SUV39H2: variants seen among roughly 807,000 people sequenced by gnomAD.
The protein encoded by SUV39H2 is SUV39H2 histone lysine methyltransferase.
SUV39H2 carries 10 observed loss-of-function variants against 47.5 expected under a neutral mutation model. That is an observed-to-expected ratio of 0.21 (90% confidence interval 0.13 to 0.36). The LOEUF is 0.36. Among genes scored for constraint, SUV39H2 ranks in the 10% least tolerant of loss-of-function variants. SUV39H2 has a pLI of 1.00. For missense variants in SUV39H2, 266 were observed against 487.4 expected, an observed-to-expected ratio of 0.55 and a Z score of 4.28; for synonymous variants, 159 against 166.8, an observed-to-expected ratio of 0.95 and a Z score of 0.36.
chr10:14,881,988 G>A lies in SUV39H2; in HGVS notation c.177+343G>A, dbSNP rs117402708. 1.2e-3 allele frequency among the ~76,000 whole-genome samples: 184 copies of A among 152,210 alleles called. 4 individuals are homozygous for A. The East Asian group carries it at 0.027, about 23-fold the overall frequency. On this transcript the variant is annotated intron_variant, in intron 2 of 5. Coordinates refer to ENST00000354919, the MANE Select transcript of SUV39H2 (RefSeq NM_001193424.2). Reference sequence around the variant, plus strand: ...CACTATCACCTGAAATGAACCTACCGTTTCAAACCAATTTTAGTGTTACTG... The same window carrying A: ...CACTATCACCTGAAATGAACCTACCATTTCAAACCAATTTTAGTGTTACTG...
chr10:14,896,102 C>G (rs1425635522), intron 2 of SUV39H2, among the ~76,000 whole-genome samples: 2 of 151,992 alleles, frequency 1.3e-5, no homozygotes, highest in South Asian at 2.1e-4. Context: ...ACCACCACAC[C>G]CAGCTAATTT....
intron 2 of SUV39H2, among the ~76,000 whole-genome samples, chr10:14,893,026 A>T: frequency 8.3e-6 from 1 of 119,912 alleles, no homozygotes; most frequent in African/African-American, 3.3e-5. Flanking sequence ...TTTTTTTGAG[A>T]CGGAGTCTCG....
chr10:14,903,554 A>C lies in SUV39H2; in HGVS notation c.*1042A>C, dbSNP rs1232909575. 1 of 152,124 alleles carries C rather than the reference A, an allele frequency of 6.6e-6. No homozygotes were observed. Among genetic ancestry groups the C allele is most frequent in the East Asian group, 1.9e-4 (1 of 5,192 alleles). 9.4% of individuals were successfully genotyped at this position (152,124 alleles called of 1,614,324 possible). A position where few individuals can be genotyped will look rare whatever the true frequency, so the allele number is the denominator to read the frequency against. Reference sequence around the variant, plus strand: ...TGAACTGATACTTGTTTTATACATAAATTTTTTTTAGATGTGATAAAGCTA... The same window carrying C: ...TGAACTGATACTTGTTTTATACATACATTTTTTTTAGATGTGATAAAGCTA... On this transcript the variant is annotated 3_prime_UTR_variant, in exon 6 of 6. Transcript: ENST00000354919.
chr10:14,886,949 A>C (rs1005891759), intron 2 of SUV39H2, among the ~76,000 whole-genome samples: 3 of 152,226 alleles, frequency 2.0e-5, no homozygotes, highest in African/African-American at 4.8e-5. Flanking sequence ...TTCTGTCTGG[A>C]GAATGAGGTG....
At chr10:14,886,019 T>C (rs1330329576) in intron 2 of SUV39H2, among the ~76,000 whole-genome samples, 1 of 152,222 alleles carries the variant, frequency 6.6e-6, no homozygotes, top group East Asian at 1.9e-4. Flanking sequence ...ACCCGCCACC[T>C]TTCCAGCCTC....
intron 5 of SUV39H2, 77 bp from the exon 6 acceptor site, chr10:14,902,329 A>C (rs1384981887): frequency 1.0e-5 from 10 of 989,774 alleles, no homozygotes; most frequent in African/African-American, 1.6e-5. Flanking sequence ...AATAAAGCTA[A>C]TATAATAGAA....
chr10:14,895,731 A>T lies in SUV39H2; in HGVS notation c.178-1115A>T, dbSNP rs1833562208. 3.9e-5 allele frequency among the ~76,000 whole-genome samples: 6 copies of T among 152,328 alleles called. No individual in the cohort carries two copies. In the South Asian group the frequency reaches 1.2e-3, roughly 32 times the overall value. On this transcript the variant is annotated intron_variant, in intron 2 of 5. Coordinates refer to ENST00000354919, the MANE Select transcript of SUV39H2 (RefSeq NM_001193424.2). ...GAGCTGTCCAATAGAAATGTAATGC[A>T]AGCTGCAGATGCCATTCAACATCTA...
intron 3 of SUV39H2, 41 bp downstream of exon 3, chr10:14,897,558 G>A (rs779979373): frequency 7.0e-7 from 1 of 1,431,280 alleles, no homozygotes; most frequent in Admixed American, 2.5e-5. Flanking sequence ...GGACATGCAA[G>A]GTTTATACTT....
intron 2 of SUV39H2, among the ~76,000 whole-genome samples, chr10:14,890,420 TC>T (rs1833351397): frequency 6.6e-6 from 1 of 152,164 alleles, no homozygotes. Context: ...AGAGACAGGG[TC>T]TCACTCTGTT....
chr10:14,896,359 G>C (rs889731781), intron 2 of SUV39H2, among the ~76,000 whole-genome samples: 5 of 152,206 alleles, frequency 3.3e-5, no homozygotes, highest in Non-Finnish European at 7.3e-5. Flanking sequence ...AGAACATCTA[G>C]AGAATGTGTG....
intron 2 of SUV39H2, among the ~76,000 whole-genome samples, chr10:14,886,963 G>A (rs997253694): frequency 4.6e-5 from 7 of 152,176 alleles, no homozygotes; most frequent in South Asian, 2.1e-4. Flanking sequence ...TGAGGTGGTC[G>A]GAGATGGATG....
chr10:14,893,463 A>G (rs1422977218), intron 2 of SUV39H2, among the ~76,000 whole-genome samples: 2 of 152,212 alleles, frequency 1.3e-5, no homozygotes, highest in East Asian at 3.8e-4. Flanking sequence ...CGTTTTTGCC[A>G]CTGGGATTCC....
At chr10:14,891,429 T>A (rs1833385470) in intron 2 of SUV39H2, among the ~76,000 whole-genome samples, 1 of 152,046 alleles carries the variant, frequency 6.6e-6, no homozygotes, top group African/African-American at 2.4e-5. Flanking sequence ...TTAAGCAAAA[T>A]AACAACAGGA....
chr10:14,889,871 T>C (rs1833332518), intron 2 of SUV39H2, among the ~76,000 whole-genome samples: 1 of 152,212 alleles, frequency 6.6e-6, no homozygotes, highest in Non-Finnish European at 1.5e-5. Flanking sequence ...TTCTGCAGCA[T>C]TATTGTTGCT....
chr10:14,887,650 A>G (rs567005279), intron 2 of SUV39H2, among the ~76,000 whole-genome samples: 5 of 152,316 alleles, frequency 3.3e-5, no homozygotes, highest in African/African-American at 4.8e-5. Context: ...AACTCAGCCA[A>G]TATTTACTGG....
intron 3 of SUV39H2, 41 bp downstream of exon 3, chr10:14,897,558 G>T (rs779979373): frequency 7.0e-7 from 1 of 1,431,278 alleles, no homozygotes; most frequent in Non-Finnish European, 9.2e-7. Context: ...GGACATGCAA[G>T]GTTTATACTT....
chr10:14,898,077 A>G (rs955675468), intron 3 of SUV39H2: 12 of 149,452 alleles, frequency 8.0e-5, no homozygotes, highest in Non-Finnish European at 1.6e-4. Context: ...ATTTGTATAC[A>G]AATCATATAT....
intron 1 of SUV39H2, among the ~76,000 whole-genome samples, chr10:14,881,119 A>G (rs979970004): frequency 1.3e-5 from 2 of 152,234 alleles, no homozygotes; most frequent in South Asian, 4.1e-4. Context: ...CTAGAGATTT[A>G]CATTTTATTA....
intron 4 of SUV39H2, 107 bp downstream of exon 4, chr10:14,899,792 C>T: frequency 7.6e-7 from 1 of 1,310,050 alleles, no homozygotes; most frequent in African/African-American, 1.5e-5. Flanking sequence ...TTTAACATTT[C>T]CAAAATATGT....
Sources: gnomAD v4.1 joint callset for allele counts (sites outside exome capture counted in the v4.1 genomes callset) on GRCh38, gnomAD v4.1.1 for gene constraint, MANE v1.5 for transcripts, NCBI Gene and HGNC (gene_info 2026-07-23, HGNC 2026-07-21) for gene names.